Variants in FLG observed in about 807,000 individuals in gnomAD.
FLG encodes filaggrin.
A neutral mutation model predicts 3.8 loss-of-function variants in FLG; 6 were observed. That is an observed-to-expected ratio of 1.60 (90% CI 0.87 to 3.15). The LOEUF (loss-of-function observed/expected upper bound fraction) is 3.15, where lower values mean the gene tolerates loss of function less well. Among genes scored for constraint, FLG ranks in the 30% most tolerant of loss-of-function variants. The pLI, the probability that FLG is intolerant of heterozygous loss-of-function variation, is 0.00. For missense variants in FLG, 7,595 were observed against 5,050.9 expected (o/e 1.50, Z -15.27); for synonymous variants, 2,551 against 1,931.6 (o/e 1.32, Z -8.41).
Position 152,307,925 on chromosome 1 carries a change from G to A in FLG, c.6961C>T (p.Gln2321Ter). Residue 2321 changes from glutamine (Q) to a stop codon, truncating the protein, a stop_gained, in exon 3 of 3, where the codon CAG (glutamine) becomes TAG (stop). Transcript: ENST00000368799. LOFTEE classifies it low-confidence loss of function (END_TRUNC). ...SGGQAASSHE[Q>*]ARSSAGERHG... is the part of the protein sequence containing the mutation. ...CTCTCTCCTGCACTTGATCTTGCCT[G>A]TTCATGGGATGATGCAGCCTGTCCA... is the stretch of plus-strand genomic sequence containing the variant. The A allele has an allele frequency of 1.2e-6, 2 of 1,613,616 alleles. No homozygotes were observed. The highest frequency in any genetic ancestry group is 1.1e-5 in the South Asian group (1 of 91,016).
Position 152,309,486 on chromosome 1 carries a change from G to C in FLG, c.5400C>G (p.Ser1800Arg), listed in dbSNP as rs772604170. 1.9e-6 allele frequency: 3 copies of C among 1,613,904 alleles called. No homozygotes were observed. The highest frequency in any genetic ancestry group is 2.5e-6 in the Non-Finnish European group (3 of 1,179,978). The change falls in exon 3 of 3, where the codon AGC (serine) becomes AGG (arginine). Residue 1800 changes from serine (S) to arginine (R), a missense_variant. By Grantham distance (110) the Ser-to-Arg change is moderately radical. Transcript: ENST00000368799. ...CCTCTTGGGACGCTGAGTGCCTGGAGCTGTCTCGTGCCTGCTCGTGGCGGG... is the reference window on the plus strand; with the variant it reads ...CCTCTTGGGACGCTGAGTGCCTGGACCTGTCTCGTGCCTGCTCGTGGCGGG... The part of the protein sequence containing the change: ...QRSRHEQARD[S>R]SRHSASQEGQ...
rs752865978 is a variant in FLG at position 152,304,038 on chromosome 1, T to C, written c.10848A>G (p.Glu3616=). 6.8e-5 allele frequency: 109 copies of C among 1,613,680 alleles called. No individual in the cohort carries two copies. Among genetic ancestry groups the C allele is most frequent in the Non-Finnish European group, 9.1e-5 (107 of 1,179,984 alleles). Residue 3616 remains glutamate, a synonymous_variant, in exon 3 of 3, where the codon GAA becomes GAG. Transcript: ENST00000368799. ...TCTCTCCTGCACTTGATCTTGCCTG[T>C]TCATGGGATGATGCAGCCTGTCCAC... ...SSGGQAASSH[E]QARSSAGERH...
Position 152,309,002 on chromosome 1 carries a change from C to T in FLG, c.5884G>A (p.Glu1962Lys), listed in dbSNP as rs766766888. 48 of 1,614,008 alleles carry T rather than the reference C, an allele frequency of 3.0e-5. No individual in the cohort carries two copies. Among genetic ancestry groups the T allele is most frequent in the East Asian group, 1.3e-4 (6 of 44,890 alleles). ...DGSRHPGSHH[E>K]DRAGHGHSAD... ...GAGTGCCCGTGACCGGCTCTGTCTT[C>T]GTGATGGGACCCAGGGTGTCTGGAG... The change falls in exon 3 of 3, where the codon GAA (glutamate) becomes AAA (lysine). Residue 1962 changes from glutamate to lysine, a missense_variant. Physicochemically the swap from Glu to Lys is moderately conservative, Grantham distance 56 (BLOSUM62 1). Coordinates refer to ENST00000368799, the MANE Select transcript of FLG (RefSeq NM_002016.2).
chr1:152,309,652 T>A lies in FLG; in HGVS notation c.5234A>T (p.Gln1745Leu). 3 of 1,613,762 alleles carry A rather than the reference T, an allele frequency of 1.9e-6. No individual in the cohort carries two copies. Among genetic ancestry groups the A allele is most frequent in the Non-Finnish European group, 2.5e-6 (3 of 1,179,888 alleles). The change falls in exon 3 of 3, where the codon CAG becomes CTG. Residue 1745 changes from glutamine to leucine, a missense_variant. Transcript: ENST00000368799. ...GCCACGTGTGGACTCTTGGTGGCTC[T>A]GCTGATGGGGCCCAGCCTGTCCGTG... The part of the protein sequence containing the change: ...SAHGQAGPHQ[Q>L]SHQESTRGQS...
In FLG at chr1:152,314,080, G is replaced by C; in HGVS notation, c.806C>G (p.Ser269Cys). The C allele has an allele frequency of 6.2e-7, 1 of 1,614,160 alleles. No homozygotes were observed. The highest frequency in any genetic ancestry group is 8.5e-7 in the Non-Finnish European group (1 of 1,180,020). The part of the protein sequence containing the change: ...RSRSSDGKSS[S>C]QVNRSRHENT... ...TTCATGTCTTGACCTGTTCACTTGAGATGATGATTTGCCATCAGATGACCT... is the reference window on the plus strand; with the variant it reads ...TTCATGTCTTGACCTGTTCACTTGACATGATGATTTGCCATCAGATGACCT... Residue 269 changes from serine (S) to cysteine (C), a missense_variant, in exon 3 of 3, where the codon TCT becomes TGT. Transcript: ENST00000368799.
Position 152,309,316 on chromosome 1 carries a change from C to G in FLG, c.5570G>C (p.Gly1857Ala), listed in dbSNP as rs766927102. The change falls in exon 3 of 3, where the codon GGG becomes GCG. Residue 1857 changes from glycine to alanine, a missense_variant. Gly to Ala is a moderately conservative substitution (Grantham distance 60, BLOSUM62 0). Transcript: ENST00000368799. Reference protein sequence around the residue: ...TSQERSDVSRGQSGSRSVSRQ... With the variant: ...TSQERSDVSRAQSGSRSVSRQ... ...GCTGACACTTCTGGATCCTGACTGC[C>G]CACGGGAGACATCAGACCTTTCCTG... 6.2e-7 allele frequency: 1 copy of G among 1,613,842 alleles called. No individual in the cohort carries two copies. The highest frequency in any genetic ancestry group is 1.1e-5 in the South Asian group (1 of 91,054).
At position 152,312,933 on chromosome 1, in the gene FLG, C is replaced by T; in HGVS notation, c.1953G>A (p.Glu651=). 1 of 1,614,044 alleles carries T rather than the reference C, an allele frequency of 6.2e-7. No individual in the cohort carries two copies. Among genetic ancestry groups the T allele is most frequent in the South Asian group, 1.1e-5 (1 of 91,070 alleles). Residue 651 remains glutamate, a synonymous_variant, in exon 3 of 3, where the codon GAG becomes GAA. Transcript: ENST00000368799. ...ASRNHHGSAQ[E]QSRDGSRHPR... is the part of the protein sequence containing the mutation. ...GGTGTCTGGAGCCATCTCTTGACTGCTCCTGAGCAGATCCATGATGGTTTC... is the reference window on the plus strand; with the variant it reads ...GGTGTCTGGAGCCATCTCTTGACTGTTCCTGAGCAGATCCATGATGGTTTC...
rs781247285 is a variant in FLG at position 152,304,117 on chromosome 1, T to G, written c.10769A>C (p.His3590Pro). 6 of 1,586,808 alleles carry G rather than the reference T, an allele frequency of 3.8e-6. No homozygotes were observed. Among genetic ancestry groups the G allele is most frequent in the Admixed American group, 1.7e-5 (1 of 57,752 alleles). Residue 3590 changes from histidine to proline, a missense_variant, in exon 3 of 3, where the codon CAC (histidine) becomes CCC (proline). Transcript: ENST00000368799. ...SHHEDRAGHG[H>P]SAESSRQSGT... The stretch of plus-strand genomic sequence containing the variant: ...TGATTGTCTGGAGCTCTCTGCAGAG[T>G]GCCCGTGACCGGCTCTGTCTTCGTG...
chr1:152,314,853 G>T, intron 2 of FLG, 106 bp from the exon 3 acceptor site: 1 of 1,435,518 alleles, frequency 7.0e-7, no homozygotes, highest in Non-Finnish European at 9.6e-7. Flanking sequence ...GTATTAAAAA[G>T]TGGGACAAAA....
At position 152,313,442 on chromosome 1, in the gene FLG, G is replaced by T. The variant is rs745468641; in HGVS notation, c.1444C>A (p.His482Asn). 3.1e-6 allele frequency: 5 copies of T among 1,613,846 alleles called. No homozygotes were observed. The highest frequency in any genetic ancestry group is 4.2e-6 in the Non-Finnish European group (5 of 1,179,998). ...CCAGTGCTGGTCCCGGTCCGTCCATGGGCAGAGTCAGGCTGTTCATGAGTG... is the reference window on the plus strand; with the variant it reads ...CCAGTGCTGGTCCCGGTCCGTCCATTGGCAGAGTCAGGCTGTTCATGAGTG... ...VSTHEQPDSA[H>N]GRTGTSTGGR... is the part of the protein sequence containing the mutation. Residue 482 changes from histidine to asparagine, a missense_variant, in exon 3 of 3, where the codon CAT becomes AAT. Transcript: ENST00000368799.
At chr1:152,316,145 T>C (rs998479406) in intron 1 of FLG, among the ~76,000 whole-genome samples, 21 of 152,164 alleles carry the variant, frequency 1.4e-4, no homozygotes, top group Non-Finnish European at 2.6e-4. Context: ...GTGTATTATA[T>C]AAAGAATTAT....
Position 152,313,586 on chromosome 1 carries a change from T to C in FLG, c.1300A>G (p.Thr434Ala), listed in dbSNP as rs774380141. Residue 434 changes from threonine to alanine, a missense_variant, in exon 3 of 3, where the codon ACA (threonine) becomes GCA (alanine). By Grantham distance (58) the Thr-to-Ala change is moderately conservative. Coordinates refer to ENST00000368799, the MANE Select transcript of FLG (RefSeq NM_002016.2). ...DSEGHSENSD[T>A]QSVSGHGKAG... ...TTTCCGTGGCCTGACACTGATTGTGTGTCTGAGTTTTCTGAATGTCCCTCA... is the reference window on the plus strand; with the variant it reads ...TTTCCGTGGCCTGACACTGATTGTGCGTCTGAGTTTTCTGAATGTCCCTCA... The C allele has an allele frequency of 1.2e-6, 2 of 1,613,932 alleles. No homozygotes were observed. The highest frequency in any genetic ancestry group is 1.7e-6 in the Non-Finnish European group (2 of 1,179,956).
At position 152,312,234 on chromosome 1, in the gene FLG, A is replaced by T. The variant is rs774296367; in HGVS notation, c.2652T>A (p.Arg884=). 6.2e-7 allele frequency: 1 copy of T among 1,613,628 alleles called. No homozygotes were observed. Among genetic ancestry groups the T allele is most frequent in the African/African-American group, 1.3e-5 (1 of 74,768 alleles). The change falls in exon 3 of 3, where the codon CGT becomes CGA. Residue 884 remains arginine, a synonymous_variant. Coordinates refer to ENST00000368799, the MANE Select transcript of FLG (RefSeq NM_002016.2). Reference sequence around the variant, plus strand: ...TTGCACTTCTGGATCCTGACTGCCCACGGGAGGCATCAGACCTTCCCTGGG... The same window carrying T: ...TTGCACTTCTGGATCCTGACTGCCCTCGGGAGGCATCAGACCTTCCCTGGG... ...TTSQGRSDAS[R]GQSGSRSASR...
Position 152,309,418 on chromosome 1 carries a change from C to T in FLG, c.5468G>A (p.Gly1823Glu), listed in dbSNP as rs1176615319. The T allele has an allele frequency of 2.5e-6, 4 of 1,613,506 alleles. No homozygotes were observed. The highest frequency in any genetic ancestry group is 2.5e-6 in the Non-Finnish European group (3 of 1,179,954). The change falls in exon 3 of 3, where the codon GGA (glycine) becomes GAA (glutamate). Residue 1823 changes from glycine to glutamate, a missense_variant. Coordinates refer to ENST00000368799, the MANE Select transcript of FLG (RefSeq NM_002016.2). Reference protein sequence around the residue: ...IRGHPGSSRGGRQGSHYEQSV... With the variant: ...IRGHPGSSRGERQGSHYEQSV... ...TTGCTCATAGTGGGATCCCTGCCTT[C>T]CTCCTCTGCTTGACCCTGGGTGTCC...
Position 152,306,588 on chromosome 1 carries a change from G to C in FLG, c.8298C>G (p.Arg2766=), listed in dbSNP as rs145330936. The C allele has an allele frequency of 1.5e-5, 24 of 1,609,798 alleles. 2 individuals carry two copies. The African/African-American group carries it at 2.7e-4, about 18-fold the overall frequency. Residue 2766 remains arginine, a synonymous_variant, in exon 3 of 3, where the codon CGC becomes CGG. Coordinates refer to ENST00000368799, the MANE Select transcript of FLG (RefSeq NM_002016.2). ...TGGAGCTGTCTTGTGCCTGCTCATG[G>C]CGGGATCCTTGTCTTCCTCTAGTGC... is the stretch of plus-strand genomic sequence containing the variant. ...GPSTRGRQGS[R]HEQAQDSSRH... is the part of the protein sequence containing the mutation.
Position 152,311,064 on chromosome 1 carries a change from A to T in FLG, c.3822T>A (p.Ser1274Arg), listed in dbSNP as rs1201806085. ...AGTCGTCTGAGTGTCTCTCACTGTC[A>T]CTGTCCTGGCTAACACTGGATCCCT... ...RHQGSSVSQDSDSERHSDDSE... is the reference protein window; with the variant it reads ...RHQGSSVSQDRDSERHSDDSE... Residue 1274 changes from serine (S) to arginine (R), a missense_variant, in exon 3 of 3, where the codon AGT (serine) becomes AGA (arginine). Coordinates refer to ENST00000368799, the MANE Select transcript of FLG (RefSeq NM_002016.2). The T allele has an allele frequency of 6.2e-7, 1 of 1,613,312 alleles. No individual in the cohort carries two copies. The highest frequency in any genetic ancestry group is 8.5e-7 in the Non-Finnish European group (1 of 1,179,788).
chr1:152,313,165 T>A lies in FLG; in HGVS notation c.1721A>T (p.Glu574Val). The A allele has an allele frequency of 6.2e-7, 1 of 1,613,882 alleles. No individual in the cohort carries two copies. Among genetic ancestry groups the A allele is most frequent in the Non-Finnish European group, 8.5e-7 (1 of 1,180,008 alleles). ...CCTGGTGCCGTCTCCTGATTGTTCC[T>A]CATTTCGTGTTTGTCTGCTTGCACT... ...SRSASRQTRNEEQSGDGTRHS... is the reference protein window; with the variant it reads ...SRSASRQTRNVEQSGDGTRHS... Residue 574 changes from glutamate to valine, a missense_variant, in exon 3 of 3, where the codon GAG becomes GTG. Physicochemically the swap from Glu to Val is moderately radical, Grantham distance 121. Coordinates refer to ENST00000368799, the MANE Select transcript of FLG (RefSeq NM_002016.2).
At chr1:152,317,115 A>G (rs1652812855) in intron 1 of FLG, among the ~76,000 whole-genome samples, 1 of 152,064 alleles carries the variant, frequency 6.6e-6, no homozygotes, top group Non-Finnish European at 1.5e-5. Flanking sequence ...TCTCTTGCCT[A>G]CCCAAACACT....
At position 152,305,179 on chromosome 1, in the gene FLG, G is replaced by A. The variant is rs532804294; in HGVS notation, c.9707C>T (p.Ser3236Phe). 5 of 1,613,724 alleles carry A rather than the reference G, an allele frequency of 3.1e-6. No homozygotes were observed. Among genetic ancestry groups the A allele is most frequent in the Non-Finnish European group, 4.2e-6 (5 of 1,179,948 alleles). ...CTGAACAGATCCACGATGGTTTCTG[G>A]AAGCAGACCCAGACCACCTCTCAGA... ...EDSERWSGSASRNHRGSVQEQ... is the reference protein window; with the variant it reads ...EDSERWSGSAFRNHRGSVQEQ... The change falls in exon 3 of 3, where the codon TCC becomes TTC. Residue 3236 changes from serine (S) to phenylalanine (F), a missense_variant. By Grantham distance (155) the Ser-to-Phe change is radical. Coordinates refer to ENST00000368799, the MANE Select transcript of FLG (RefSeq NM_002016.2).
Sources: gnomAD v4.1 joint callset for allele counts (sites outside exome capture counted in the v4.1 genomes callset) on GRCh38, gnomAD v4.1.1 for gene constraint, MANE v1.5 for transcripts, NCBI Gene and HGNC (gene_info 2026-07-23, HGNC 2026-07-21) for gene names.